The following CACNA1H variants were observed in gnomAD, a reference collection of about 807,000 sequenced individuals.
The protein encoded by CACNA1H is voltage-dependent T-type calcium channel subunit alpha-1H.
In CACNA1H, 149 loss-of-function variants were observed where a neutral mutation model predicts 192.5. That is an observed-to-expected ratio of 0.77 (90% CI 0.68 to 0.89). CACNA1H has a LOEUF of 0.89. CACNA1H is among the 40% of genes least tolerant of loss of function. The pLI is 0.00. For synonymous variants in CACNA1H, 2,202 were observed against 1,475.2 expected (o/e 1.49, Z -11.29); for missense variants, 4,257 against 3,423.5 (o/e 1.24, Z -6.08).
chr16:1,171,751 C>T (rs1481711580), intron 2 of CACNA1H, among the ~76,000 whole-genome samples: 1 of 152,144 alleles, frequency 6.6e-6, no homozygotes, highest in East Asian at 1.9e-4. Flanking sequence ...CTCTGGGCAG[C>T]CTCCCACCGT....
At position 1,153,957 on chromosome 16, in the gene CACNA1H, G is replaced by T; in HGVS notation, c.220G>T (p.Ala74Ser). The change falls in exon 2 of 35, where the codon GCC (alanine) becomes TCC (serine). Residue 74 changes from alanine to serine, a missense_variant. By Grantham distance (99) the Ala-to-Ser change is moderately conservative. Transcript: ENST00000348261. ...CGAGGAGCAGCGCGTCCCGTACCCGGCCTTGGCGGCCACGGTCTTCTTCTG... is the reference window on the plus strand; with the variant it reads ...CGAGGAGCAGCGCGTCCCGTACCCGTCCTTGGCGGCCACGGTCTTCTTCTG... The part of the protein sequence containing the change: ...ADEEQRVPYP[A>S]LAATVFFCLG... 6.9e-7 allele frequency: 1 copy of T among 1,452,172 alleles called. No homozygotes were observed. The highest frequency in any genetic ancestry group is 1.5e-5 in the African/African-American group (1 of 67,836). The allele number at this position is 1,452,172 out of a possible 1,614,324, so 90.0% of individuals were successfully genotyped here.
chr16:1,221,078 G>C lies in CACNA1H; in HGVS notation c.*84G>C, dbSNP rs1221651701. ...GGAGGCCCAGGCAGAACCCTGCATG[G>C]ACCCTGACTTGGGTCCCGTCGTGAG... On this transcript the variant is annotated 3_prime_UTR_variant, in exon 35 of 35. Coordinates refer to ENST00000348261, the MANE Select transcript of CACNA1H (RefSeq NM_021098.3). 2 of 1,076,694 alleles carry C rather than the reference G, an allele frequency of 1.9e-6. No individual in the cohort carries two copies. The highest frequency in any genetic ancestry group is 5.7e-5 in the Admixed American group (2 of 34,902). 66.7% of individuals were successfully genotyped at this position (1,076,694 alleles called of 1,614,324 possible). A position where few individuals can be genotyped will look rare whatever the true frequency, so the allele number is the denominator to read the frequency against.
Position 1,218,975 on chromosome 16 carries a change from G to C in CACNA1H, c.5893G>C (p.Val1965Leu). 3 of 1,550,074 alleles carry C rather than the reference G, an allele frequency of 1.9e-6. No homozygotes were observed. The highest frequency in any genetic ancestry group is 2.6e-6 in the Non-Finnish European group (3 of 1,146,870). ...TAGATTCTTCCCTGCCCCAGGCTCC[G>C]TTGCCTCTGTGCACTCTCCGCCCGC... ...TYGAGTPLGS[V>L]ASVHSPPAES... is the part of the protein sequence containing the mutation. Residue 1965 changes from valine (V) to leucine (L), a missense_variant, in exon 34 of 35, where the codon GTT becomes CTT. By Grantham distance (32) the Val-to-Leu change is conservative (BLOSUM62 1). Transcript: ENST00000348261.
chr16:1,198,868 C>A, intron 6 of CACNA1H, 94 bp downstream of exon 6: 1 of 1,279,082 alleles, frequency 7.8e-7, no homozygotes, highest in Non-Finnish European at 1.1e-6. Context: ...CCACGTGGCT[C>A]TGCCCACCGT....
At chr16:1,155,409 C>G (rs978208071) in intron 2 of CACNA1H, among the ~76,000 whole-genome samples, 5 of 152,152 alleles carry the variant, frequency 3.3e-5, no homozygotes, top group Non-Finnish European at 7.4e-5. Context: ...AGAACCAAGG[C>G]GGGAGGTGGT....
At chr16:1,209,478 T>A in intron 17 of CACNA1H, 66 bp downstream of exon 17, 15 of 1,567,744 alleles carry the variant, frequency 9.6e-6, no homozygotes, top group Non-Finnish European at 1.2e-5. Context: ...TTCCCTCAAG[T>A]GGGGTTTGAG....
In CACNA1H at chr16:1,195,817, G is replaced by A. The variant is rs572601906; in HGVS notation, c.546-109G>A. ...TTCCTGGCCAGTACAAGGTCCTCCG[G>A]GTGCCGGGCTGGCCGGTTCTATGCC... On this transcript the variant is annotated intron_variant, in intron 4 of 34. Coordinates refer to ENST00000348261, the MANE Select transcript of CACNA1H (RefSeq NM_021098.3). The A allele has an allele frequency of 3.5e-5, 34 of 979,418 alleles. No individual in the cohort carries two copies. In the South Asian group the frequency reaches 4.5e-4, roughly 13 times the overall value. The allele number at this position is 979,418 out of a possible 1,614,324, so 60.7% of individuals were successfully genotyped here.
chr16:1,154,402 C>T (rs1596272868), intron 2 of CACNA1H, among the ~76,000 whole-genome samples: 2 of 152,220 alleles, frequency 1.3e-5, no homozygotes, highest in South Asian at 2.1e-4. Flanking sequence ...TCCCCCTTGC[C>T]CACCCCTCAC....
At chr16:1,197,051 A>G (rs1214506306) in intron 5 of CACNA1H, among the ~76,000 whole-genome samples, 1 of 152,114 alleles carries the variant, frequency 6.6e-6, no homozygotes, top group East Asian at 1.9e-4. Flanking sequence ...CAGACCCCCA[A>G]GGCTAGGCAC....
chr16:1,218,364 A>G lies in CACNA1H; in HGVS notation c.5600A>G (p.Asn1867Ser). 3 of 1,562,066 alleles carry G rather than the reference A, an allele frequency of 1.9e-6. No homozygotes were observed. The highest frequency in any genetic ancestry group is 2.6e-6 in the Non-Finnish European group (3 of 1,154,156). ...AVLMKHLEES[N>S]KEAREDAELD... is the part of the protein sequence containing the mutation. ...CTCATGAAGCACCTGGAGGAGAGCA[A>G]CAAGGAGGCACGGGAGGATGCGGAG... Residue 1867 changes from asparagine to serine, a missense_variant, in exon 33 of 35, where the codon AAC becomes AGC. By Grantham distance (46) the Asn-to-Ser change is conservative. Coordinates refer to ENST00000348261, the MANE Select transcript of CACNA1H (RefSeq NM_021098.3).
chr16:1,206,586 C>G, intron 12 of CACNA1H: 1 of 480,748 alleles, frequency 2.1e-6, no homozygotes. Context: ...CACCAGGCTC[C>G]AACTGGGGTG....
At chr16:1,199,001 C>T (rs1164148705) in intron 6 of CACNA1H, 14 of 544,622 alleles carry the variant, frequency 2.6e-5, no homozygotes, top group African/African-American at 7.8e-5. Flanking sequence ...GCTCCGCCCA[C>T]GGTGCAGTCG....
rs1272139786 is a variant in CACNA1H, at chr16:1,215,545, T to C, written c.5196T>C (p.Ala1732=). The C allele has an allele frequency of 6.2e-7, 1 of 1,611,908 alleles. No homozygotes were observed. Among genetic ancestry groups the C allele is most frequent in the South Asian group, 1.1e-5 (1 of 90,902 alleles). Residue 1732 remains alanine (A), a synonymous_variant, in exon 30 of 35, where the codon GCT becomes GCC. Transcript: ENST00000348261. ...IARVLKLLKM[A]TGMRALLDTV... ...TAGTGCTGAAGCTGCTGAAGATGGC[T>C]ACGGGCATGCGCGCCCTGCTGGACA...
In CACNA1H at chr16:1,221,582, C is replaced by A. The variant is rs1001383667; in HGVS notation, c.*588C>A. 3.4e-6 allele frequency: 2 copies of A among 587,512 alleles called. No homozygotes were observed. The highest frequency in any genetic ancestry group is 1.9e-5 in the African/African-American group (1 of 53,098). The allele number at this position is 587,512 out of a possible 1,614,324, so 36.4% of individuals were successfully genotyped here. A position where few individuals can be genotyped will look rare whatever the true frequency, so the allele number is the denominator to read the frequency against. On this transcript the variant is annotated 3_prime_UTR_variant, in exon 35 of 35. Transcript: ENST00000348261. ...GGGGCCGACCCCATGGAGTAACGCG[C>A]CCGGCCCCGATGCGAATCAGGCCTC...
At chr16:1,197,076 C>T (rs1461907303) in intron 5 of CACNA1H, among the ~76,000 whole-genome samples, 1 of 152,192 alleles carries the variant, frequency 6.6e-6, no homozygotes, top group African/African-American at 2.4e-5. Context: ...TCCCATGGGG[C>T]CTCTGGCTTC....
chr16:1,164,016 G>T (rs1015756601), intron 2 of CACNA1H, among the ~76,000 whole-genome samples: 1 of 152,224 alleles, frequency 6.6e-6, no homozygotes, highest in African/African-American at 2.4e-5. Context: ...CAGCCGATGG[G>T]TGCGGCCTGT....
intron 6 of CACNA1H, 196 bp downstream of exon 6, chr16:1,198,970 T>A (rs1267338158): frequency 2.1e-6 from 1 of 470,066 alleles, no homozygotes; most frequent in Non-Finnish European, 3.6e-6. Context: ...TCCGCCCAGC[T>A]GGCAGTCACC....
intron 18 of CACNA1H, 113 bp downstream of exon 18, chr16:1,210,248 C>T: frequency 6.5e-6 from 8 of 1,233,034 alleles, no homozygotes; most frequent in East Asian, 5.1e-5. Context: ...AGTGGGCACC[C>T]CTTCTCACAC....
chr16:1,171,787 T>A (rs1416110431), intron 2 of CACNA1H, among the ~76,000 whole-genome samples: 1 of 152,126 alleles, frequency 6.6e-6, no homozygotes, highest in East Asian at 1.9e-4. Context: ...CCTCTCAGGC[T>A]GGGCAGACAC....
Sources: gnomAD v4.1 joint callset for allele counts (sites outside exome capture counted in the v4.1 genomes callset) on GRCh38, gnomAD v4.1.1 for gene constraint, MANE v1.5 for transcripts, NCBI Gene and HGNC (gene_info 2026-07-23, HGNC 2026-07-21) for gene names.